Variants in LINGO2 observed in about 807,000 individuals in gnomAD.
LINGO2 encodes the protein leucine rich repeat and Ig domain containing 2, also known as leucine-rich repeat and immunoglobulin-like domain-containing nogo receptor-interacting protein 2.
In LINGO2, 14 loss-of-function variants were observed where a neutral mutation model predicts 30.6. That is an observed-to-expected ratio of 0.46 (90% CI 0.30 to 0.72). The LOEUF (loss-of-function observed/expected upper bound fraction) is 0.72, where lower values mean the gene tolerates loss of function less well. Among genes scored for constraint, LINGO2 ranks in the 30% least tolerant of loss-of-function variants. The pLI is 0.07. For missense variants in LINGO2, 729 were observed against 751.7 expected (o/e 0.97, Z 0.35); for synonymous variants, 317 against 288.5 (o/e 1.10, Z -1.00).
intron 1 of LINGO2, among the ~76,000 whole-genome samples, chr9:28,552,796 T>C (rs958034541): frequency 2.0e-4 from 30 of 151,794 alleles, no homozygotes; most frequent in African/African-American, 6.8e-4. Context: ...TCTTAGACAT[T>C]TTGCTTTTCA....
At chr9:29,070,634 G>A in the LINGO2 span, among the ~76,000 whole-genome samples, 1 of 151,782 alleles carries the variant, frequency 6.6e-6, no homozygotes, top group Admixed American at 6.6e-5. Context: ...GTTTTCCAGA[G>A]ACAACCTAAG....
chr9:28,037,554 A>G (rs1176510655), intron 4 of LINGO2, among the ~76,000 whole-genome samples: 2 of 151,958 alleles, frequency 1.3e-5, no homozygotes, highest in East Asian at 1.9e-4. Context: ...AGGCTTTTTT[A>G]TTCTTGCTGT....
exon 6 of LINGO2, chr9:27,950,458 C>T (rs781520934): frequency 5.6e-6 from 9 of 1,609,672 alleles, no homozygotes; most frequent in South Asian, 3.3e-5. Context: ...TCAGGGTTGA[C>T]GCTTTTTAGC....
chr9:28,117,916 G>A (rs1167074207), intron 4 of LINGO2, among the ~76,000 whole-genome samples: 1 of 152,178 alleles, frequency 6.6e-6, no homozygotes, highest in East Asian at 1.9e-4. Flanking sequence ...CAAGACATGG[G>A]GGCAGCAAGA....
In LINGO2 at chr9:28,664,596, C is replaced by A. The variant is rs375499012; in HGVS notation, c.-365+5604G>T. 2.6e-5 allele frequency among the ~76,000 whole-genome samples: 4 copies of A among 152,132 alleles called. No homozygotes were observed. The South Asian group carries it at 8.3e-4, about 32-fold the overall frequency. ...GGGCTTCTCCTGTGGAAGGGCCTTTCAGTTTGAAAGGAAAAGAGAGAAACA... is the reference window on the plus strand; with the variant it reads ...GGGCTTCTCCTGTGGAAGGGCCTTTAAGTTTGAAAGGAAAAGAGAGAAACA... On this transcript the variant is annotated intron_variant, in intron 1 of 5. Coordinates refer to ENST00000379992, the Ensembl canonical transcript of LINGO2.
intron 4 of LINGO2, among the ~76,000 whole-genome samples, chr9:28,168,879 G>T (rs182447146): frequency 1.3e-5 from 2 of 152,332 alleles, no homozygotes; most frequent in East Asian, 1.9e-4. Flanking sequence ...ACTATGTGTG[G>T]CTTTGCCACC....
At chr9:28,423,822 G>A (rs571101493) in intron 2 of LINGO2, among the ~76,000 whole-genome samples, 75 of 152,092 alleles carry the variant, frequency 4.9e-4, no homozygotes, top group Non-Finnish European at 8.8e-4. Flanking sequence ...ATCTTTGTTC[G>A]TTTTCAAGAT....
the LINGO2 span, among the ~76,000 whole-genome samples, chr9:28,989,701 G>A: frequency 6.6e-6 from 1 of 152,102 alleles, no homozygotes; most frequent in Non-Finnish European, 1.5e-5. Context: ...AATACAAAAT[G>A]TTTACCAAAA....
chr9:28,104,427 T>TAA (rs1231836546), intron 4 of LINGO2, among the ~76,000 whole-genome samples: 1 of 151,946 alleles, frequency 6.6e-6, no homozygotes, highest in Non-Finnish European at 1.5e-5. Context: ...AGATTAAAAT[T>TAA]AACTTTTATA....
chr9:28,862,693 T>G, the LINGO2 span, among the ~76,000 whole-genome samples: 5 of 152,112 alleles, frequency 3.3e-5, no homozygotes, highest in Non-Finnish European at 5.9e-5. Flanking sequence ...GATGTGTCAC[T>G]TAAGAAATTA....
chr9:29,125,456 T>C, the LINGO2 span, among the ~76,000 whole-genome samples: 3 of 152,066 alleles, frequency 2.0e-5, no homozygotes, highest in South Asian at 2.1e-4. Context: ...CATAGTTTAA[T>C]AACCAATTAA....
the LINGO2 span, among the ~76,000 whole-genome samples, chr9:28,953,366 G>A: frequency 6.6e-6 from 1 of 151,986 alleles, no homozygotes; most frequent in African/African-American, 2.4e-5. Context: ...ATTAATTAAT[G>A]TATATAAATT....
intron 3 of LINGO2, among the ~76,000 whole-genome samples, chr9:28,336,039 T>C (rs1381077561): frequency 2.0e-5 from 3 of 152,242 alleles, no homozygotes; most frequent in Non-Finnish European, 4.4e-5. Flanking sequence ...TTATACAATT[T>C]TACATTCCCA....
intron 1 of LINGO2, among the ~76,000 whole-genome samples, chr9:28,558,117 G>C (rs10115346): frequency 0.55 from 83,019 of 149,816 alleles, 23,867 homozygotes; most frequent in East Asian, 0.78. Flanking sequence ...TGCACAATGT[G>C]CACATGTACC....
intron 2 of LINGO2, among the ~76,000 whole-genome samples, chr9:28,391,604 C>CGTGCGTGTGT (rs1373862617): frequency 6.8e-6 from 1 of 147,732 alleles, no homozygotes; most frequent in East Asian, 2.0e-4. Context: ...TTTATGTTTG[C>CGTGCGTGTGT]GTGTGTGTGT....
Position 28,602,858 on chromosome 9 carries a change from A to T in LINGO2, c.-365+67342T>A, listed in dbSNP as rs990661330. ...CAAAACAATCGCATAATCTGGCATGATTAAAAGGTTTGCTGTTCAGAGCTC... is the reference window on the plus strand; with the variant it reads ...CAAAACAATCGCATAATCTGGCATGTTTAAAAGGTTTGCTGTTCAGAGCTC... On this transcript the variant is annotated intron_variant, in intron 1 of 5. Transcript: ENST00000379992. Among the ~76,000 whole-genome samples, 11 of 152,222 alleles carry T rather than the reference A, an allele frequency of 7.2e-5. No homozygotes were observed. The Middle Eastern group carries it at 0.01, about 141-fold the overall frequency.
intron 4 of LINGO2, among the ~76,000 whole-genome samples, chr9:28,184,853 C>A (rs537721962): frequency 6.6e-6 from 1 of 152,218 alleles, no homozygotes; most frequent in East Asian, 1.9e-4. Context: ...CTTTTTCTGA[C>A]CCAGGAGCCA....
chr9:28,950,501 G>T, the LINGO2 span, among the ~76,000 whole-genome samples: 2 of 152,216 alleles, frequency 1.3e-5, no homozygotes, highest in African/African-American at 4.8e-5. Flanking sequence ...AAACCCCATT[G>T]TCTCAGCCCA....
At chr9:29,128,138 C>T in the LINGO2 span, among the ~76,000 whole-genome samples, 2 of 152,088 alleles carry the variant, frequency 1.3e-5, no homozygotes, top group East Asian at 3.9e-4. Flanking sequence ...GCCATTGCCT[C>T]TCGAGGGAAA....
Sources: gnomAD v4.1 joint callset for allele counts (sites outside exome capture counted in the v4.1 genomes callset) on GRCh38, gnomAD v4.1.1 for gene constraint, MANE v1.5 for transcripts, NCBI Gene and HGNC (gene_info 2026-07-23, HGNC 2026-07-21) for gene names.